The following CCDC122 variants were observed in gnomAD, a reference collection of about 807,000 sequenced individuals.
CCDC122 encodes the protein coiled-coil domain containing 122, also known as coiled-coil domain-containing protein 122.
A neutral mutation model predicts 37.0 loss-of-function variants in CCDC122; 38 were observed. The observed-to-expected ratio is 1.03, with a 90% CI of 0.79 to 1.35. The LOEUF (loss-of-function observed/expected upper bound fraction) is 1.35, where lower values mean the gene tolerates loss of function less well. Among genes scored for constraint, CCDC122 ranks in the 40% most tolerant of loss-of-function variants. CCDC122 has a pLI of 0.00. For missense variants in CCDC122, 305 were observed against 310.0 expected (o/e 0.98, Z 0.12); for synonymous variants, 83 against 95.6 (o/e 0.87, Z 0.77).
rs552615408 is a variant in CCDC122 at position 43,837,180 on chromosome 13, T to G, written c.*100A>C. On this transcript the variant is annotated 3_prime_UTR_variant, in exon 7 of 7. Coordinates refer to ENST00000444614, the MANE Select transcript of CCDC122 (RefSeq NM_144974.5). Reference sequence around the variant, plus strand: ...ATCTGTCATTAAGACAGGTCTCTAATAGTGGATGCTTGTTATTAAGAATCC... The same window carrying G: ...ATCTGTCATTAAGACAGGTCTCTAAGAGTGGATGCTTGTTATTAAGAATCC... 8.6e-7 allele frequency: 1 copy of G among 1,168,104 alleles called. No homozygotes were observed. The highest frequency in any genetic ancestry group is 1.5e-5 in the South Asian group (1 of 65,394). 72.4% of individuals were successfully genotyped at this position (1,168,104 alleles called of 1,614,324 possible). A position where few individuals can be genotyped will look rare whatever the true frequency, so the allele number is the denominator to read the frequency against.
In CCDC122 at chr13:43,844,308, A is replaced by G. The variant is rs142343356; in HGVS notation, c.673-6879T>C. Among the ~76,000 whole-genome samples the G allele has an allele frequency of 2.6e-5, 4 of 152,066 alleles. No homozygotes were observed. In the East Asian group the frequency reaches 7.7e-4, roughly 29 times the overall value. ...TTTGACTCATGGGTTATTTAGAAGTATGGTCAATTTCCAAAAGCTTATGTA... is the reference window on the plus strand; with the variant it reads ...TTTGACTCATGGGTTATTTAGAAGTGTGGTCAATTTCCAAAAGCTTATGTA... On this transcript the variant is annotated intron_variant, in intron 6 of 6. Coordinates refer to ENST00000444614, the MANE Select transcript of CCDC122 (RefSeq NM_144974.5).
chr13:43,841,333 G>T (rs1408858647), intron 6 of CCDC122, among the ~76,000 whole-genome samples: 1 of 152,162 alleles, frequency 6.6e-6, no homozygotes, highest in Non-Finnish European at 1.5e-5. Flanking sequence ...CAAAGCAGTT[G>T]CACTATTTTA....
At chr13:43,852,149 G>A (rs984587375) in intron 6 of CCDC122, among the ~76,000 whole-genome samples, 10 of 152,052 alleles carry the variant, frequency 6.6e-5, no homozygotes, top group Admixed American at 4.6e-4. Flanking sequence ...TGGCTTAAAT[G>A]ACAGAAATAG....
At chr13:43,844,733 G>A (rs1184894940) in intron 6 of CCDC122, among the ~76,000 whole-genome samples, 1 of 151,922 alleles carries the variant, frequency 6.6e-6, no homozygotes. Flanking sequence ...TGTTTAACTT[G>A]GTTAGTAGTT....
At chr13:43,875,807 A>C (rs990628403) in intron 1 of CCDC122, among the ~76,000 whole-genome samples, 6 of 152,184 alleles carry the variant, frequency 3.9e-5, no homozygotes, top group Non-Finnish European at 5.9e-5. Flanking sequence ...TCATGCTGAG[A>C]GCCTCTAATC....
At chr13:43,832,954 GTGT>G (rs1953103812), downstream of CCDC122, among the ~76,000 whole-genome samples, 1 of 152,132 alleles carries the variant, frequency 6.6e-6, no homozygotes. Flanking sequence ...TCATTGTTTA[GTGT>G]TGTTATTTTG....
chr13:43,858,629 T>G, intron 6 of CCDC122, 152 bp downstream of exon 6: 1 of 446,418 alleles, frequency 2.2e-6, no homozygotes, highest in Non-Finnish European at 3.5e-6. Flanking sequence ...TCTCTAGTTA[T>G]CTATTAATGA....
intron 2 of CCDC122, among the ~76,000 whole-genome samples, chr13:43,869,914 TGTCCA>T (rs1273427560): frequency 1.3e-5 from 2 of 152,116 alleles, no homozygotes; most frequent in African/African-American, 4.8e-5. Context: ...ATAGCACTCC[TGTCCA>T]GTGCTATTCT....
At chr13:43,873,749 T>C (rs529859448) in intron 2 of CCDC122, among the ~76,000 whole-genome samples, 50 of 152,340 alleles carry the variant, frequency 3.3e-4, no homozygotes, top group Admixed American at 1.7e-3. Context: ...CAATTCCAAA[T>C]ACTATCTTAG....
chr13:43,853,398 C>A (rs954276359), intron 6 of CCDC122, among the ~76,000 whole-genome samples: 3 of 152,112 alleles, frequency 2.0e-5, no homozygotes, highest in African/African-American at 4.8e-5. Context: ...AAAAGAAGGG[C>A]ATTACATAAT....
At chr13:43,844,756 T>C (rs1953464174) in intron 6 of CCDC122, among the ~76,000 whole-genome samples, 1 of 152,118 alleles carries the variant, frequency 6.6e-6, no homozygotes, top group South Asian at 2.1e-4. Flanking sequence ...TACCTTGAAA[T>C]CTACTTGATA....
At position 43,867,914 on chromosome 13, in the gene CCDC122, C is replaced by T. The variant is rs1954326192; in HGVS notation, c.156+780G>A. On this transcript the variant is annotated intron_variant, in intron 4 of 6. Transcript: ENST00000444614. ...CACTTAAAACCAGTGATACTTAAAG[C>T]CAATGTCAAATAGGGCCCTACCAGT... 2.0e-5 allele frequency among the ~76,000 whole-genome samples: 3 copies of T among 152,118 alleles called. No homozygotes were observed. In the South Asian group the frequency reaches 6.2e-4, roughly 32 times the overall value.
At chr13:43,833,540 G>C (rs1279315769), downstream of CCDC122, among the ~76,000 whole-genome samples, 1 of 152,178 alleles carries the variant, frequency 6.6e-6, no homozygotes, top group African/African-American at 2.4e-5. Flanking sequence ...TGCATGGATA[G>C]AATAACAGGT....
intron 6 of CCDC122, among the ~76,000 whole-genome samples, chr13:43,852,686 C>T (rs1451268219): frequency 1.3e-5 from 2 of 151,768 alleles, no homozygotes; most frequent in Non-Finnish European, 2.9e-5. Flanking sequence ...GCATAATTTT[C>T]AGATTCTCCA....
intron 6 of CCDC122, among the ~76,000 whole-genome samples, chr13:43,857,671 G>A (rs1379453614): frequency 6.6e-6 from 1 of 152,132 alleles, no homozygotes; most frequent in African/African-American, 2.4e-5. Context: ...GGGAGGCCGA[G>A]GCAGGCGGAT....
At chr13:43,832,833 C>T (rs1953102765), downstream of CCDC122, among the ~76,000 whole-genome samples, 2 of 152,124 alleles carry the variant, frequency 1.3e-5, no homozygotes, top group South Asian at 4.1e-4. Flanking sequence ...GCCTCAGTTT[C>T]CTCATCTGCA....
chr13:43,877,685 T>C (rs1212708047), intron 1 of CCDC122: 1 of 152,226 alleles, frequency 6.6e-6, no homozygotes, highest in East Asian at 1.9e-4. Context: ...GTAGAGGAAC[T>C]GCAAATGTAA....
At position 43,838,570 on chromosome 13, in the gene CCDC122, T is replaced by C. The variant is rs766803253; in HGVS notation, c.673-1141A>G. Reference sequence around the variant, plus strand: ...AACTCAAGGGCCTTTAGTATATTCATAGAGTTGTACCAACTCTATGAAGTT... The same window carrying C: ...AACTCAAGGGCCTTTAGTATATTCACAGAGTTGTACCAACTCTATGAAGTT... On this transcript the variant is annotated intron_variant, in intron 6 of 6. Coordinates refer to ENST00000444614, the MANE Select transcript of CCDC122 (RefSeq NM_144974.5). 5.9e-5 allele frequency among the ~76,000 whole-genome samples: 9 copies of C among 152,332 alleles called. No individual in the cohort carries two copies. The East Asian group carries it at 1.3e-3, about 23-fold the overall frequency.
intron 3 of CCDC122, among the ~76,000 whole-genome samples, chr13:43,831,253 G>A (rs1953086523): frequency 6.6e-6 from 1 of 152,144 alleles, no homozygotes; most frequent in Admixed American, 6.5e-5. Context: ...AAAATCATGT[G>A]CTGTTTTTTG....
Sources: allele counts gnomAD v4.1 joint callset (sites outside exome capture counted in the v4.1 genomes callset), GRCh38; gene constraint gnomAD v4.1.1; transcripts MANE v1.5; gene names NCBI Gene and HGNC (gene_info 2026-07-23, HGNC 2026-07-21).